DNAAF11: variants seen among roughly 807,000 people sequenced by gnomAD.
The protein encoded by DNAAF11 is leucine rich repeat containing 6.
Under a neutral mutation model 60.8 loss-of-function variants are expected in DNAAF11, and 45 were observed. The observed-to-expected ratio is 0.74, with a 90% confidence interval of 0.58 to 0.95. The LOEUF (loss-of-function observed/expected upper bound fraction) is 0.95. DNAAF11 is among the 40% of genes least tolerant of loss of function. DNAAF11 has a pLI of 0.00. For missense variants in DNAAF11, 546 were observed against 546.2 expected, an observed-to-expected ratio of 1.00 and a Z score of 0.00; for synonymous variants, 191 against 183.5, an observed-to-expected ratio of 1.04 and a Z score of -0.33.
chr8:132,579,807 C>T (rs1289264338), intron 11 of DNAAF11, among the ~76,000 whole-genome samples: 3 of 151,936 alleles, frequency 2.0e-5, no homozygotes, highest in African/African-American at 2.4e-5. Context: ...CCAGCCTGGC[C>T]GACATGGCAA....
At chr8:132,681,003 C>CTTTTTTTTTTTTTTTTTTTTTTTTTTT in the DNAAF11 span, among the ~76,000 whole-genome samples, 1 of 52,336 alleles carries the variant, frequency 1.9e-5, no homozygotes, top group African/African-American at 9.1e-5. Flanking sequence ...ATAACTATTC[C>CTTTTTTTTTTTTTTTTTTTTTTTTTTT]TTTTTTTTTT....
At chr8:132,638,169 G>A (rs892677748) in intron 3 of DNAAF11, 62 bp from the exon 4 acceptor site, 47 of 1,257,886 alleles carry the variant, frequency 3.7e-5, no homozygotes, top group Admixed American at 1.2e-4. Context: ...GTAACAAAAC[G>A]TGTGTAACAT....
chr8:132,588,714 C>T (rs1033967803), intron 10 of DNAAF11, among the ~76,000 whole-genome samples: 2 of 152,068 alleles, frequency 1.3e-5, no homozygotes, highest in South Asian at 4.1e-4. Flanking sequence ...AAAGAAATAC[C>T]TGAGACTGGG....
At chr8:132,668,165 T>C (rs2130862965) in intron 1 of DNAAF11, among the ~76,000 whole-genome samples, 1 of 152,326 alleles carries the variant, frequency 6.6e-6, no homozygotes, top group African/African-American at 2.4e-5. Flanking sequence ...TCTAAAATAT[T>C]TTTTAATCAT....
intron 11 of DNAAF11, among the ~76,000 whole-genome samples, chr8:132,580,709 A>G (rs1815238226): frequency 6.6e-6 from 1 of 152,208 alleles, no homozygotes; most frequent in Non-Finnish European, 1.5e-5. Context: ...AAATAAGATC[A>G]AAAAAAGGAC....
intron 5 of DNAAF11, among the ~76,000 whole-genome samples, chr8:132,625,812 CAGTAGATCTGAAGT>C (rs751933957): frequency 1.3e-5 from 2 of 152,150 alleles, no homozygotes; most frequent in Non-Finnish European, 2.9e-5. Flanking sequence ...AAAGCCTATT[CAGTAGATCTGAAGT>C]AGTAGATCTG....
chr8:132,673,104 C>G (rs1487788810), intron 1 of DNAAF11, among the ~76,000 whole-genome samples: 1 of 152,130 alleles, frequency 6.6e-6, no homozygotes, highest in Non-Finnish European at 1.5e-5. Flanking sequence ...TGTGGCACAG[C>G]AAAAGAGGAC....
intron 10 of DNAAF11, among the ~76,000 whole-genome samples, chr8:132,592,882 T>C (rs942471870): frequency 6.6e-6 from 1 of 151,738 alleles, no homozygotes; most frequent in Admixed American, 6.6e-5. Context: ...ATGAAAGGGA[T>C]TTGGGAGGTA....
the DNAAF11 span, among the ~76,000 whole-genome samples, chr8:132,688,891 A>T: frequency 7.9e-5 from 12 of 152,354 alleles, no homozygotes; most frequent in Middle Eastern, 3.4e-3. Context: ...TACGTTAAAA[A>T]TACCGTTTAA....
intron 4 of DNAAF11, among the ~76,000 whole-genome samples, chr8:132,637,640 C>G (rs1400221035): frequency 1.3e-5 from 2 of 151,560 alleles, no homozygotes; most frequent in Non-Finnish European, 2.9e-5. Flanking sequence ...GAATTCTTAT[C>G]AGTAATGATG....
At chr8:132,602,960 G>C (rs115010516) in intron 10 of DNAAF11, among the ~76,000 whole-genome samples, 334 of 152,090 alleles carry the variant, frequency 2.2e-3, no homozygotes, top group African/African-American at 7.7e-3. Flanking sequence ...CTGATGACTG[G>C]TTTACATCTT....
intron 3 of DNAAF11, among the ~76,000 whole-genome samples, chr8:132,641,860 G>A (rs141864895): frequency 4.6e-5 from 7 of 152,238 alleles, no homozygotes; most frequent in African/African-American, 1.7e-4. Context: ...AATGTTATAA[G>A]GACATTTAAA....
intron 4 of DNAAF11, among the ~76,000 whole-genome samples, chr8:132,634,305 C>T (rs1259892861): frequency 6.6e-6 from 1 of 152,156 alleles, no homozygotes; most frequent in Non-Finnish European, 1.5e-5. Context: ...TTGTAGCTTT[C>T]CTCTAACATG....
At chr8:132,597,000 T>C (rs115924975) in intron 10 of DNAAF11, among the ~76,000 whole-genome samples, 1,578 of 152,204 alleles carry the variant, frequency 0.01, 29 homozygotes, top group African/African-American at 0.036. Context: ...TGACCTGTCA[T>C]CCACCCCAAC....
upstream of DNAAF11, among the ~76,000 whole-genome samples, chr8:132,677,154 T>A (rs1284002418): frequency 6.6e-6 from 1 of 152,204 alleles, no homozygotes; most frequent in Non-Finnish European, 1.5e-5. Context: ...CACTGATGTC[T>A]GATTACTCAC....
chr8:132,667,786 TCTC>T (rs1424677976), intron 1 of DNAAF11, among the ~76,000 whole-genome samples: 1 of 152,158 alleles, frequency 6.6e-6, no homozygotes, highest in African/African-American at 2.4e-5. Context: ...ATGAATGAGT[TCTC>T]CAAAATTTGA....
At chr8:132,616,186 G>A (rs1027148958) in intron 7 of DNAAF11, among the ~76,000 whole-genome samples, 1 of 152,090 alleles carries the variant, frequency 6.6e-6, no homozygotes, top group Non-Finnish European at 1.5e-5. Context: ...TTAACTAGGG[G>A]CATGGCTATG....
chr8:132,583,847 A>G (rs1815600698), intron 10 of DNAAF11, 68 bp from the exon 11 acceptor site: 1 of 1,021,954 alleles, frequency 9.8e-7, no homozygotes, highest in South Asian at 1.3e-5. Context: ...AAATATACAT[A>G]TATGTATTTT....
At chr8:132,680,457 G>T (rs563870593), upstream of DNAAF11, among the ~76,000 whole-genome samples, 1 of 152,064 alleles carries the variant, frequency 6.6e-6, no homozygotes, top group African/African-American at 2.4e-5. Context: ...AGGGACATTT[G>T]CCTAGAAAGC....
Sources: gnomAD v4.1 joint callset for allele counts (sites outside exome capture counted in the v4.1 genomes callset) on GRCh38, gnomAD v4.1.1 for gene constraint, MANE v1.5 for transcripts, NCBI Gene and HGNC (gene_info 2026-07-23, HGNC 2026-07-21) for gene names.